Variants in GPR179 observed in about 807,000 individuals in gnomAD.
GPR179 encodes the protein G protein-coupled receptor 179.
Under a neutral mutation model 70.8 loss-of-function variants are expected in GPR179, and 52 were observed. The observed-to-expected ratio is 0.73, with a 90% CI of 0.59 to 0.93. The LOEUF (loss-of-function observed/expected upper bound fraction) is 0.93. Among genes scored for constraint, GPR179 ranks in the 40% least tolerant of loss-of-function variants. The pLI, the probability that GPR179 is intolerant of heterozygous loss-of-function variation, is 0.00. For synonymous variants in GPR179, 1,123 were observed against 1,169.0 expected, an observed-to-expected ratio of 0.96 and a Z score of 0.80; for missense variants, 2,734 against 2,966.8, an observed-to-expected ratio of 0.92 and a Z score of 1.82.
chr17:38,336,810 G>A (rs2037407379), intron 4 of GPR179, among the ~76,000 whole-genome samples, 168 bp downstream of exon 4: 1 of 152,224 alleles, frequency 6.6e-6, no homozygotes. Context: ...TTTTACAGAT[G>A]AGGAAGCAGG....
rs779310297 is a variant in GPR179, at chr17:38,330,544, G to C, written c.3025C>G (p.Gln1009Glu). The C allele has an allele frequency of 4.5e-6, 7 of 1,569,180 alleles. No individual in the cohort carries two copies. The highest frequency in any genetic ancestry group is 1.9e-5 in the Admixed American group (1 of 53,422). Residue 1009 changes from glutamine (Q) to glutamate (E), a missense_variant, in exon 11 of 11, where the codon CAG becomes GAG. Transcript: ENST00000616987. ...ELPAKQENVPQEGPSGPERGH... is the reference protein window; with the variant it reads ...ELPAKQENVPEEGPSGPERGH... The stretch of plus-strand genomic sequence containing the variant: ...CGCTCTGGCCCTGAGGGGCCTTCCT[G>C]GGGCACATTTTCTTGCTTGGCTGGC...
At position 38,331,285 on chromosome 17, in the gene GPR179, G is replaced by C. The variant is rs778452423; in HGVS notation, c.2284C>G (p.Pro762Ala). The change falls in exon 11 of 11, where the codon CCC (proline) becomes GCC (alanine). Residue 762 changes from proline (P) to alanine (A), a missense_variant. Physicochemically the swap from Pro to Ala is conservative, Grantham distance 27. Coordinates refer to ENST00000616987, the MANE Select transcript of GPR179 (RefSeq NM_001004334.4). ...RRLLSSSLQE[P>A]EGTPALHKSR... is the part of the protein sequence containing the mutation. ...TTGTGCAGAGCTGGTGTCCCCTCGGGTTCCTGGAGGCTGGAGCTGAGGAGC... is the reference window on the plus strand; with the variant it reads ...TTGTGCAGAGCTGGTGTCCCCTCGGCTTCCTGGAGGCTGGAGCTGAGGAGC... 6.3e-7 allele frequency: 1 copy of C among 1,598,116 alleles called. No homozygotes were observed. Among genetic ancestry groups the C allele is most frequent in the Non-Finnish European group, 8.5e-7 (1 of 1,173,038 alleles).
chr17:38,336,645 C>T (rs1319442131), intron 4 of GPR179, among the ~76,000 whole-genome samples: 5 of 152,200 alleles, frequency 3.3e-5, no homozygotes, highest in Non-Finnish European at 1.5e-5. Context: ...TCCTTGCCCC[C>T]ATCTCACTGT....
chr17:38,330,527 C>T lies in GPR179; in HGVS notation c.3042G>A (p.Gly1014=). 1 of 1,563,606 alleles carries T rather than the reference C, an allele frequency of 6.4e-7. No homozygotes were observed. The highest frequency in any genetic ancestry group is 8.6e-7 in the Non-Finnish European group (1 of 1,157,402). Residue 1014 remains glycine (G), a synonymous_variant, in exon 11 of 11, where the codon GGG becomes GGA. Transcript: ENST00000616987. ...QENVPQEGPS[G]PERGHHSPAP... ...CAGGGGAGTGGTGGCCTCGCTCTGG[C>T]CCTGAGGGGCCTTCCTGGGGCACAT...
chr17:38,326,800 G>A lies in GPR179; in HGVS notation c.6769C>T (p.Leu2257=). 1 of 1,614,234 alleles carries A rather than the reference G, an allele frequency of 6.2e-7. No homozygotes were observed. Residue 2257 remains leucine, a synonymous_variant, in exon 11 of 11, where the codon CTG becomes TTG. Coordinates refer to ENST00000616987, the MANE Select transcript of GPR179 (RefSeq NM_001004334.4). ...TCTCTCCGAGTTGCTGTTAAAGCCA[G>A]GAGGCCAGATTCCTCAGATGGGACT... ...TGVPSEESGL[L]ALTATRREFF... is the part of the protein sequence containing the mutation.
Position 38,330,713 on chromosome 17 carries a change from C to T in GPR179, c.2856G>A (p.Arg952=), listed in dbSNP as rs2037347612. Residue 952 remains arginine, a synonymous_variant, in exon 11 of 11, where the codon AGG becomes AGA. Coordinates refer to ENST00000616987, the MANE Select transcript of GPR179 (RefSeq NM_001004334.4). ...LALSGGLGEP[R]MLSPTSTLAP... is the part of the protein sequence containing the mutation. The stretch of plus-strand genomic sequence containing the variant: ...CCAAGGTGGAGGTGGGAGATAGCAT[C>T]CTTGGCTCTCCCAGGCCCCCAGACA... 6.3e-7 allele frequency: 1 copy of T among 1,593,190 alleles called. No individual in the cohort carries two copies. Among genetic ancestry groups the T allele is most frequent in the African/African-American group, 1.3e-5 (1 of 74,678 alleles).
Position 38,325,579 on chromosome 17 carries a change from G to A in GPR179, c.*886C>T, listed in dbSNP as rs2037278286. ...GCAGCGCTGAAAAGCTAGGGGGAAGGAAATGAGCCAGTGAGACGAGCTCTG... is the reference window on the plus strand; with the variant it reads ...GCAGCGCTGAAAAGCTAGGGGGAAGAAAATGAGCCAGTGAGACGAGCTCTG... On this transcript the variant is annotated 3_prime_UTR_variant, in exon 11 of 11. Coordinates refer to ENST00000616987, the MANE Select transcript of GPR179 (RefSeq NM_001004334.4). The A allele has an allele frequency of 6.6e-6, 1 of 152,300 alleles. No homozygotes were observed. The highest frequency in any genetic ancestry group is 2.4e-5 in the African/African-American group (1 of 41,444). 9.4% of individuals were successfully genotyped at this position (152,300 alleles called of 1,614,324 possible).
Position 38,334,931 on chromosome 17 carries a change from G to C in GPR179, c.1646-89C>G, listed in dbSNP as rs1351061689. ...GAAAGATGTGCTGGGGGGAGCCTGG[G>C]CTCGGGGTCTGGGGACAAGTCAGGA... On this transcript the variant is annotated intron_variant, in intron 7 of 10. Coordinates refer to ENST00000616987, the MANE Select transcript of GPR179 (RefSeq NM_001004334.4). The surrounding 1 kb of genome is among the most constrained non-coding windows in gnomAD (Gnocchi z 4.7). 6.3e-6 allele frequency: 10 copies of C among 1,594,134 alleles called. 1 individual carries two copies. Among genetic ancestry groups the C allele is most frequent in the Middle Eastern group, 3.3e-4 (2 of 5,972 alleles).
In GPR179 at chr17:38,336,948, T is replaced by C. The variant is rs556224616; in HGVS notation, c.1227+30A>G. ...GCCTCCAGTTGAGATGGGTCGGACA[T>C]GTGTGTAGGAGGTGTGGGGCCTTCC... On this transcript the variant is annotated intron_variant, in intron 4 of 10. Coordinates refer to ENST00000616987, the MANE Select transcript of GPR179 (RefSeq NM_001004334.4). The C allele has an allele frequency of 5.2e-6, 8 of 1,551,914 alleles. No individual in the cohort carries two copies. In the South Asian group the frequency reaches 5.9e-5, roughly 11 times the overall value.
At position 38,329,990 on chromosome 17, in the gene GPR179, C is replaced by G. The variant is rs2037336236; in HGVS notation, c.3579G>C (p.Glu1193Asp). 3.7e-6 allele frequency: 6 copies of G among 1,614,230 alleles called. No homozygotes were observed. Among genetic ancestry groups the G allele is most frequent in the South Asian group, 1.1e-5 (1 of 91,084 alleles). The change falls in exon 11 of 11, where the codon GAG becomes GAC. Residue 1193 changes from glutamate (E) to aspartate (D), a missense_variant. Transcript: ENST00000616987. ...TGGCAAGCCCTGTTTTACCTGCTCT[C>G]TCAGCTTTCCGTTCCCCTAGACCCT... ...MTQGLGERKA[E>D]RAGKTGLAML...
In GPR179 at chr17:38,327,620, G is replaced by C; in HGVS notation, c.5949C>G (p.Ser1983Arg). 1 of 1,614,246 alleles carries C rather than the reference G, an allele frequency of 6.2e-7. No homozygotes were observed. The highest frequency in any genetic ancestry group is 2.2e-5 in the East Asian group (1 of 44,880). Residue 1983 changes from serine to arginine, a missense_variant, in exon 11 of 11, where the codon AGC becomes AGG. By Grantham distance (110) the Ser-to-Arg change is moderately radical (BLOSUM62 -1). Transcript: ENST00000616987. ...CCCCAGTGCTGACCAGTCTCTGGGA[G>C]CTAGCTTTAGGTTGGTCAGGGCGCT... ...DRQRPDQPKA[S>R]SQRLVSTGGR...
At position 38,326,764 on chromosome 17, in the gene GPR179, T is replaced by TG; in HGVS notation, c.6804dup (p.Thr2269HisfsTer4). ...AGGCATAGTGGTTTTTCAGGAGCTG[T>TG]GGGGAAAAATTCTCTCCGAGTTGCT... On this transcript the variant is annotated frameshift_variant, in exon 11 of 11. Transcript: ENST00000616987. LOFTEE classifies it low-confidence loss of function (END_TRUNC). 6.2e-7 allele frequency: 1 copy of TG among 1,614,226 alleles called. No homozygotes were observed.
rs760255237 is a variant in GPR179, at chr17:38,337,674, C to T, written c.950G>A (p.Cys317Tyr). Residue 317 changes from cysteine to tyrosine, a missense_variant, in exon 3 of 11, where the codon TGC becomes TAC. Transcript: ENST00000616987. Reference sequence around the variant, plus strand: ...CCCGTAGAATCCAGGTCGGCAGCGGCAGAGGTAGCGGCCAAGAACAAAGCC... The same window carrying T: ...CCCGTAGAATCCAGGTCGGCAGCGGTAGAGGTAGCGGCCAAGAACAAAGCC... ...SQGFVLGRYLCRCRPGFYGAS... is the reference protein window; with the variant it reads ...SQGFVLGRYLYRCRPGFYGAS... 1.9e-6 allele frequency: 3 copies of T among 1,613,684 alleles called. No individual in the cohort carries two copies. The highest frequency in any genetic ancestry group is 2.5e-6 in the Non-Finnish European group (3 of 1,179,814).
At chr17:38,339,758 A>G (rs2037434751) in intron 1 of GPR179, among the ~76,000 whole-genome samples, 1 of 152,224 alleles carries the variant, frequency 6.6e-6, no homozygotes, top group Non-Finnish European at 1.5e-5. Context: ...TCTAGAAACC[A>G]GAATTCCCCT....
chr17:38,335,316 G>T, intron 6 of GPR179, 45 bp from the exon 7 acceptor site: 1 of 1,431,250 alleles, frequency 7.0e-7, no homozygotes. Context: ...GGACCTGGGT[G>T]GATCACGAAG....
Position 38,331,341 on chromosome 17 carries a change from TG to T in GPR179, c.2227del (p.His743ThrfsTer48), listed in dbSNP as rs771894629. On this transcript the variant is annotated frameshift_variant, in exon 11 of 11. Transcript: ENST00000616987. LOFTEE classifies it low-confidence loss of function (END_TRUNC). ...GCGGGAGGAGCCGGGCAGGCTGCCGTGGCCTGGGGATCCTGAGTCCCGGGAG... is the reference window on the plus strand; with the variant it reads ...GCGGGAGGAGCCGGGCAGGCTGCCGTGCCTGGGGATCCTGAGTCCCGGGAG... ...QHSRDSGSPGHGSLPGSSRRR... is the reference protein window; with the variant it reads ...QHSRDSGSPGXGSLPGSSRRR... 6.2e-7 allele frequency: 1 copy of T among 1,611,416 alleles called. No homozygotes were observed. The highest frequency in any genetic ancestry group is 1.1e-5 in the South Asian group (1 of 90,796).
chr17:38,335,756 G>T, intron 5 of GPR179, 56 bp from the exon 6 acceptor site: 5 of 1,167,742 alleles, frequency 4.3e-6, no homozygotes, highest in Non-Finnish European at 6.4e-6. Flanking sequence ...TGTGGGCCAG[G>T]CCTATGCTAA....
chr17:38,334,716 A>G lies in GPR179; in HGVS notation c.1772T>C (p.Phe591Ser). ...AGTCCGTCCTCACCTGGCTGTGTGG[A>G]AGGCAGCGGAAAGCAGTAGCTCATT... ...LHNELLLSAA[F>S]HTARFVLVPS... The change falls in exon 8 of 11, where the codon TTC (phenylalanine) becomes TCC (serine). Residue 591 changes from phenylalanine to serine, a missense_variant. Coordinates refer to ENST00000616987, the MANE Select transcript of GPR179 (RefSeq NM_001004334.4). This position sits in a 1 kb window ranked among gnomAD's most constrained non-coding sequence, Gnocchi z 4.7. The G allele has an allele frequency of 1.2e-6, 2 of 1,613,710 alleles. No homozygotes were observed. The highest frequency in any genetic ancestry group is 8.5e-7 in the Non-Finnish European group (1 of 1,179,942).
chr17:38,333,375 G>T lies in GPR179; in HGVS notation c.1913C>A (p.Pro638His), dbSNP rs1467527015. 2 of 1,613,808 alleles carry T rather than the reference G, an allele frequency of 1.2e-6. No homozygotes were observed. Among genetic ancestry groups the T allele is most frequent in the African/African-American group, 1.3e-5 (1 of 74,888 alleles). ...CACCTCATCCACCATCTCCTCCCGG[G>T]GAGGAGCCCCCAGCTTCCAGAACTG... Reference protein sequence around the residue: ...IPKFWKLGAPPREEMVDEVCE... With the variant: ...IPKFWKLGAPHREEMVDEVCE... The change falls in exon 10 of 11, where the codon CCC becomes CAC. Residue 638 changes from proline (P) to histidine (H), a missense_variant. Transcript: ENST00000616987.
Sources: gnomAD v4.1 joint callset for allele counts (sites outside exome capture counted in the v4.1 genomes callset) on GRCh38, gnomAD v4.1.1 for gene constraint, Gnocchi (gnomAD v3.1) non-coding constraint, MANE v1.5 for transcripts, NCBI Gene and HGNC (gene_info 2026-07-23, HGNC 2026-07-21) for gene names.